ADAM32: variants seen among roughly 807,000 people sequenced by gnomAD.
The protein encoded by ADAM32 is disintegrin and metalloproteinase domain-containing protein 32.
A neutral mutation model predicts 114.9 loss-of-function variants in ADAM32; 89 were observed. The observed-to-expected ratio is 0.77, with a 90% CI of 0.65 to 0.92. The LOEUF is 0.92. ADAM32 is among the 40% of genes least tolerant of loss of function. The pLI is 0.00. For missense variants in ADAM32, 870 were observed against 932.8 expected (o/e 0.93, Z 0.88); for synonymous variants, 285 against 307.5 (o/e 0.93, Z 0.77).
intron 17 of ADAM32, among the ~76,000 whole-genome samples, chr8:39,247,891 G>A (rs1003033780): frequency 6.7e-6 from 1 of 149,702 alleles, no homozygotes; most frequent in Non-Finnish European, 1.5e-5. Flanking sequence ...TTTGTGTCTA[G>A]ATTCTTTTTT....
At chr8:39,230,799 C>A (rs1350208415) in intron 14 of ADAM32, among the ~76,000 whole-genome samples, 1 of 152,062 alleles carries the variant, frequency 6.6e-6, no homozygotes, top group African/African-American at 2.4e-5. Context: ...CTTTCTTGAT[C>A]TTGAAAGAGA....
At chr8:39,234,291 T>A (rs552593461) in intron 16 of ADAM32, among the ~76,000 whole-genome samples, 3 of 118,378 alleles carry the variant, frequency 2.5e-5, no homozygotes, top group Admixed American at 2.1e-4. Context: ...AGAATTTCAG[T>A]GTTCTGAGCA....
intron 10 of ADAM32, among the ~76,000 whole-genome samples, chr8:39,179,958 C>T (rs925664859): frequency 6.6e-6 from 1 of 152,208 alleles, no homozygotes; most frequent in African/African-American, 2.4e-5. Flanking sequence ...TGCTGGCAGT[C>T]CTCAGAGCCC....
chr8:39,264,910 GTGATTGGTA>G (rs776868606), intron 19 of ADAM32, among the ~76,000 whole-genome samples: 4 of 151,972 alleles, frequency 2.6e-5, no homozygotes, highest in Non-Finnish European at 5.9e-5. Flanking sequence ...GTCTGAGAGT[GTGATTGGTA>G]TGATTGGTAT....
chr8:39,131,969 C>T, intron 2 of ADAM32: 1 of 312,556 alleles, frequency 3.2e-6, no homozygotes, highest in Non-Finnish European at 6.6e-6. Flanking sequence ...TCTCGGCTCA[C>T]CTCAATCTCC....
intron 2 of ADAM32, among the ~76,000 whole-genome samples, chr8:39,123,907 A>G (rs1465484867): frequency 2.0e-5 from 3 of 151,436 alleles, no homozygotes; most frequent in East Asian, 1.9e-4. Context: ...GGGTTTCGCC[A>G]TGTTGGCCAG....
chr8:39,257,489 A>G, intron 19 of ADAM32, 146 bp downstream of exon 19: 1 of 1,045,718 alleles, frequency 9.6e-7, no homozygotes, highest in Non-Finnish European at 1.3e-6. Flanking sequence ...TTTATGAGGT[A>G]GCTGTGAATA....
chr8:39,133,093 C>T (rs1725815661), intron 2 of ADAM32, among the ~76,000 whole-genome samples: 1 of 151,988 alleles, frequency 6.6e-6, no homozygotes, highest in South Asian at 2.1e-4. Context: ...TTCTCCCAAA[C>T]CTCATGTTGC....
chr8:39,160,312 G>A (rs1804418400), intron 6 of ADAM32, among the ~76,000 whole-genome samples: 1 of 152,216 alleles, frequency 6.6e-6, no homozygotes, highest in East Asian at 1.9e-4. Context: ...AGGCCAAGGC[G>A]GGCGGATCGC....
intron 11 of ADAM32, among the ~76,000 whole-genome samples, chr8:39,197,394 A>G (rs1168396606): frequency 6.6e-6 from 1 of 151,134 alleles, no homozygotes; most frequent in Non-Finnish European, 1.5e-5. Flanking sequence ...TTGCTTTTCT[A>G]GTTCCTGAAG....
At chr8:39,171,537 T>C (rs1028401589) in intron 10 of ADAM32, among the ~76,000 whole-genome samples, 2 of 152,132 alleles carry the variant, frequency 1.3e-5, no homozygotes, top group Non-Finnish European at 2.9e-5. Flanking sequence ...TTAAACATTT[T>C]TTATTACTGA....
At chr8:39,216,090 G>A (rs750867423) in intron 12 of ADAM32, among the ~76,000 whole-genome samples, 11 of 151,890 alleles carry the variant, frequency 7.2e-5, no homozygotes, top group Non-Finnish European at 1.3e-4. Flanking sequence ...CCAGTGTTGG[G>A]TGCATATGTA....
chr8:39,219,622 G>T (rs2129448716), intron 12 of ADAM32, among the ~76,000 whole-genome samples: 1 of 152,308 alleles, frequency 6.6e-6, no homozygotes, highest in African/African-American at 2.4e-5. Flanking sequence ...TGAAGCTGCT[G>T]CTGGGGGATA....
At chr8:39,141,175 G>C (rs1172344381) in intron 3 of ADAM32, among the ~76,000 whole-genome samples, 2 of 152,060 alleles carry the variant, frequency 1.3e-5, no homozygotes. Flanking sequence ...AAGGGATTTT[G>C]TGTCTCCATA....
chr8:39,276,615 G>A (rs1455437135), intron 22 of ADAM32, among the ~76,000 whole-genome samples: 1 of 152,146 alleles, frequency 6.6e-6, no homozygotes, highest in Non-Finnish European at 1.5e-5. Flanking sequence ...TCTCTAAGCT[G>A]CACAACAAGG....
chr8:39,118,064 T>A, intron 1 of ADAM32, 22 bp from the exon 2 acceptor site: 1 of 1,358,832 alleles, frequency 7.4e-7, no homozygotes, highest in Non-Finnish European at 9.8e-7. Flanking sequence ...TTACTAACTT[T>A]TTTTTTTTTT....
At chr8:39,235,645 T>C (rs999814393) in intron 16 of ADAM32, among the ~76,000 whole-genome samples, 3 of 152,200 alleles carry the variant, frequency 2.0e-5, no homozygotes. Context: ...TTTTACTGGG[T>C]AGTTTTTAAT....
At chr8:39,201,833 A>T (rs950841411) in intron 11 of ADAM32, among the ~76,000 whole-genome samples, 24 of 152,228 alleles carry the variant, frequency 1.6e-4, no homozygotes, top group African/African-American at 5.8e-4. Flanking sequence ...AGTTTTTAGC[A>T]TGAAGGGCTG....
chr8:39,174,961 T>A (rs1168350707), intron 10 of ADAM32, among the ~76,000 whole-genome samples: 1 of 152,034 alleles, frequency 6.6e-6, no homozygotes, highest in Non-Finnish European at 1.5e-5. Context: ...TGAGTGGGAG[T>A]TCATTCATGA....
Sources: gnomAD v4.1 joint callset for allele counts (sites outside exome capture counted in the v4.1 genomes callset) on GRCh38, gnomAD v4.1.1 for gene constraint, MANE v1.5 for transcripts, NCBI Gene and HGNC (gene_info 2026-07-23, HGNC 2026-07-21) for gene names.